Variants in NEB observed in about 807,000 individuals in gnomAD.
The protein encoded by NEB is nemaline myopathy type 2.
Under a neutral mutation model 952.2 loss-of-function variants are expected in NEB, and 512 were observed. That is an observed-to-expected ratio of 0.54 (90% CI 0.50 to 0.58). The LOEUF is 0.58. Among genes scored for constraint, NEB ranks in the 20% least tolerant of loss-of-function variants. The probability of loss-of-function intolerance (pLI) is 0.00; values close to 1 mark genes in which losing one functional copy is unlikely to be tolerated. For synonymous variants in NEB, 2,900 were observed against 3,149.8 expected, an observed-to-expected ratio of 0.92 and a Z score of 2.66; for missense variants, 8,428 against 9,231.1, an observed-to-expected ratio of 0.91 and a Z score of 3.56.
intron 13 of NEB, among the ~76,000 whole-genome samples, chr2:151,702,142 G>A (rs2099674725): frequency 2.0e-5 from 3 of 146,714 alleles, no homozygotes; most frequent in Non-Finnish European, 3.0e-5. Flanking sequence ...TCATTCAGGA[G>A]CAGGTTGTTC....
chr2:151,535,630 A>C (rs1271503913), intron 142 of NEB, 61 bp downstream of exon 142: 1 of 1,079,106 alleles, frequency 9.3e-7, no homozygotes, highest in Non-Finnish European at 1.3e-6. Flanking sequence ...AATTTAAAAA[A>C]ACTCTGAGAC....
At chr2:151,522,174 ATTGTAT>A (rs913908184) in intron 153 of NEB, among the ~76,000 whole-genome samples, 9 of 152,180 alleles carry the variant, frequency 5.9e-5, no homozygotes, top group African/African-American at 1.7e-4. Flanking sequence ...TAGGAGTTTA[ATTGTAT>A]TTGAAGTTTA....
chr2:151,619,015 G>A (rs746623312), intron 73 of NEB, among the ~76,000 whole-genome samples: 3 of 152,150 alleles, frequency 2.0e-5, no homozygotes, highest in East Asian at 1.9e-4. Flanking sequence ...TTCGAAAAAC[G>A]TAAGAATGAT....
chr2:151,522,093 C>A (rs1050246483), intron 153 of NEB, among the ~76,000 whole-genome samples: 7 of 152,126 alleles, frequency 4.6e-5, no homozygotes. Flanking sequence ...GGTTTATAAT[C>A]CCATCAGGCT....
chr2:151,640,481 C>T lies in NEB; in HGVS notation c.8559G>A (p.Val2853=), dbSNP rs1486780207. The T allele has an allele frequency of 1.2e-6, 2 of 1,613,820 alleles. No individual in the cohort carries two copies. The highest frequency in any genetic ancestry group is 2.7e-5 in the African/African-American group (2 of 74,894). Residue 2853 remains valine, a synonymous_variant, in exon 61 of 182, where the codon GTG becomes GTA. Transcript: ENST00000397345. ...FSSPVDMLGV[V]LAKKCQTLVS... is the part of the protein sequence containing the mutation. ...CTAAGGTCTGGCACTTCTTGGCCAGCACCACCCCCAGCATGTCCACTGGGC... is the reference window on the plus strand; with the variant it reads ...CTAAGGTCTGGCACTTCTTGGCCAGTACCACCCCCAGCATGTCCACTGGGC...
In NEB at chr2:151,694,288, G is replaced by A. The variant is rs144012829; in HGVS notation, c.1896+35C>T. On this transcript the variant is annotated intron_variant, in intron 20 of 181. Coordinates refer to ENST00000397345, the MANE Select transcript of NEB (RefSeq NM_001164508.2). ...TATTAAACAGCAACTTTGTGGCCAC[G>A]TCTGAAAATAGGGGTGAATTACAAA... is the stretch of plus-strand genomic sequence containing the variant. 1.7e-5 allele frequency: 27 copies of A among 1,561,408 alleles called. No homozygotes were observed. The East Asian group carries it at 1.8e-4, about 10-fold the overall frequency.
chr2:151,686,550 G>C (rs1376395383), intron 27 of NEB, among the ~76,000 whole-genome samples: 1 of 152,102 alleles, frequency 6.6e-6, no homozygotes, highest in Non-Finnish European at 1.5e-5. Context: ...AGTTACTAGA[G>C]AAAATTACAG....
chr2:151,704,721 C>T (rs546166920), intron 13 of NEB, among the ~76,000 whole-genome samples: 11 of 152,306 alleles, frequency 7.2e-5, no homozygotes, highest in South Asian at 2.1e-4. Context: ...CTTCGGCTCA[C>T]GCACAGTGCG....
chr2:151,527,169 G>A, intron 147 of NEB, 147 bp from the exon 148 acceptor site: 1 of 639,476 alleles, frequency 1.6e-6, no homozygotes, highest in South Asian at 2.0e-5. Context: ...GTCCCTCACT[G>A]CATTTTGGAC....
At position 151,561,223 on chromosome 2, in the gene NEB, G is replaced by A. The variant is rs914386216; in HGVS notation, c.19086C>T (p.Gly6362=). The A allele has an allele frequency of 1.9e-6, 3 of 1,607,470 alleles. No homozygotes were observed. Among genetic ancestry groups the A allele is most frequent in the Admixed American group, 3.4e-5 (2 of 59,166 alleles). ...GAAGACGCACCTCACTGGCATTAAT[G>A]CCACTCTGAACAGCAGTCACATAGA... ...TPLYVTAVQS[G]INASEVKYKE... The change falls in exon 122 of 182, where the codon GGC becomes GGT. Residue 6362 remains glycine (G), a synonymous_variant. Transcript: ENST00000397345.
chr2:151,547,576 G>C, intron 132 of NEB, 43 bp from the exon 133 acceptor site: 1 of 1,599,274 alleles, frequency 6.3e-7, no homozygotes, highest in Non-Finnish European at 8.6e-7. Context: ...ATTAGAGACC[G>C]AATGATTAAC....
chr2:151,492,145 A>G lies in NEB; in HGVS notation c.25010T>C (p.Val8337Ala). 3 of 1,613,696 alleles carry G rather than the reference A, an allele frequency of 1.9e-6. No individual in the cohort carries two copies. The highest frequency in any genetic ancestry group is 1.3e-5 in the African/African-American group (1 of 74,934). ...INYRGIQRKV[V>A]EMEQKRNDQD... is the part of the protein sequence containing the mutation. ...GTCATTCCGTTTTTGTTCCATTTCT[A>G]CCACTTTCCTCTGAATACCTCGGTA... Residue 8337 changes from valine to alanine, a missense_variant, in exon 178 of 182, where the codon GTA becomes GCA. Transcript: ENST00000397345.
At chr2:151,561,433 A>T in intron 121 of NEB, 121 bp from the exon 122 acceptor site, 2 of 704,562 alleles carry the variant, frequency 2.8e-6, no homozygotes, top group Non-Finnish European at 5.0e-6. Context: ...CCTAACAAAC[A>T]GGCTGTCATT....
rs1324926375 is a variant in NEB, at chr2:151,617,409, T to C, written c.11136A>G (p.Thr3712=). 1.3e-6 allele frequency: 2 copies of C among 1,571,012 alleles called. No individual in the cohort carries two copies. The highest frequency in any genetic ancestry group is 1.7e-6 in the Non-Finnish European group (2 of 1,156,088). ...DKKTIHVMPD[T]PEIMLAKLNR... is the part of the protein sequence containing the mutation. ...TGAGTTTGGCTAACATGATTTCTGG[T>C]GTATCAGGCATGACATGAATAGTTT... The change falls in exon 75 of 182, where the codon ACA becomes ACG. Residue 3712 remains threonine (T), a synonymous_variant. Coordinates refer to ENST00000397345, the MANE Select transcript of NEB (RefSeq NM_001164508.2).
Position 151,583,931 on chromosome 2 carries a change from C to T in NEB, c.15664-165G>A, listed in dbSNP as rs1263439370. Among the ~76,000 whole-genome samples, 5 of 128,350 alleles carry T rather than the reference C, an allele frequency of 3.9e-5. 1 individual carries two copies. The highest frequency in any genetic ancestry group is 1.1e-4 in the African/African-American group (4 of 34,812). The allele number at this position is 128,350 out of a possible 152,430, so 84.2% of individuals were successfully genotyped here. A position where few individuals can be genotyped will look rare whatever the true frequency, so the allele number is the denominator to read the frequency against. ...TTCACTTTAAAGAAGTTAGATAATA[C>T]GATTTTGGGTCATTTCAGAGAGGAC... is the stretch of plus-strand genomic sequence containing the variant. On this transcript the variant is annotated intron_variant, in intron 100 of 181. Transcript: ENST00000397345.
chr2:151,487,066 C>CGT (rs370944400), intron 181 of NEB, among the ~76,000 whole-genome samples: 6 of 152,012 alleles, frequency 3.9e-5, no homozygotes, highest in Non-Finnish European at 8.8e-5. Flanking sequence ...TGCGCATGTG[C>CGT]GTGTGTGTGT....
In NEB at chr2:151,692,348, T is replaced by A; in HGVS notation, c.1911A>T (p.Glu637Asp). 1 of 1,608,270 alleles carries A rather than the reference T, an allele frequency of 6.2e-7. No individual in the cohort carries two copies. Among genetic ancestry groups the A allele is most frequent in the Non-Finnish European group, 8.5e-7 (1 of 1,175,630 alleles). The change falls in exon 21 of 182, where the codon GAA becomes GAT. Residue 637 changes from glutamate to aspartate, a missense_variant. Physicochemically the swap from Glu to Asp is conservative, Grantham distance 45. This residue lies in a region of NEB where 2,851 missense variants were observed against 2,791.5 expected (regional missense o/e 1.02). Coordinates refer to ENST00000397345, the MANE Select transcript of NEB (RefSeq NM_001164508.2). Reference protein sequence around the residue: ...AKNQSDRLYKENYEKTKAKSM... With the variant: ...AKNQSDRLYKDNYEKTKAKSM... ...TCTTTGCCTTTGTCTTCTCATAGTT[T>A]TCCTTGTATAATCTCTGTTAAAGGA... is the stretch of plus-strand genomic sequence containing the variant.
At position 151,535,813 on chromosome 2, in the gene NEB, T is replaced by C. The variant is rs369632989; in HGVS notation, c.21208-18A>G. 4.2e-5 allele frequency: 58 copies of C among 1,389,426 alleles called. No individual in the cohort carries two copies. Among genetic ancestry groups the C allele is most frequent in the Middle Eastern group, 1.8e-4 (1 of 5,668 alleles). The allele number at this position is 1,389,426 out of a possible 1,614,324, so 86.1% of individuals were successfully genotyped here. A position where few individuals can be genotyped will look rare whatever the true frequency, so the allele number is the denominator to read the frequency against. Reference sequence around the variant, plus strand: ...TACTTATACTAGAAAAAACAGAACATGGTTACTTGACAGCAGGCTATGATT... The same window carrying C: ...TACTTATACTAGAAAAAACAGAACACGGTTACTTGACAGCAGGCTATGATT... On this transcript the variant is annotated intron_variant, in intron 141 of 181. Transcript: ENST00000397345.
rs375938655 is a variant in NEB at position 151,562,667 on chromosome 2, G to T, written c.18835C>A (p.Leu6279Ile). ...CGTATAACATTGGGTTCTTCCAGAAGAGACGTCCACTGGTGGAAATAGTGT... is the reference window on the plus strand; with the variant it reads ...CGTATAACATTGGGTTCTTCCAGAATAGACGTCCACTGGTGGAAATAGTGT... ...YRHYFHQWTS[L>I]LEEPNVIRVR... The change falls in exon 120 of 182, where the codon CTT becomes ATT. Residue 6279 changes from leucine (L) to isoleucine (I), a missense_variant. By Grantham distance (5) the Leu-to-Ile change is conservative. Around this residue, in one of 11 missense-constraint regions of NEB, gnomAD observed 3,374 missense variants for 3,651.5 expected, o/e 0.92. Coordinates refer to ENST00000397345, the MANE Select transcript of NEB (RefSeq NM_001164508.2). 2.5e-6 allele frequency: 4 copies of T among 1,599,326 alleles called. No individual in the cohort carries two copies. The African/African-American group carries it at 4.0e-5, about 16-fold the overall frequency.
Sources: gnomAD v4.1 joint callset for allele counts (sites outside exome capture counted in the v4.1 genomes callset) on GRCh38, gnomAD v4.1.1 for gene constraint, gnomAD v4.1.1 regional missense constraint, MANE v1.5 for transcripts, NCBI Gene and HGNC (gene_info 2026-07-23, HGNC 2026-07-21) for gene names.